Variants in HACD2 observed in about 807,000 individuals in gnomAD.
The protein encoded by HACD2 is very-long-chain (3R)-3-hydroxyacyl-CoA dehydratase 2.
A neutral mutation model predicts 31.0 loss-of-function variants in HACD2; 15 were observed. The observed-to-expected ratio is 0.48, with a 90% CI of 0.32 to 0.75. The LOEUF (loss-of-function observed/expected upper bound fraction) is 0.75. Ranked by LOEUF, HACD2 falls within the 30% of genes least tolerant of loss-of-function variation. The pLI, the probability that HACD2 is intolerant of heterozygous loss-of-function variation, is 0.03. For synonymous variants in HACD2, 115 were observed against 122.2 expected, an observed-to-expected ratio of 0.94 and a Z score of 0.39; for missense variants, 283 against 313.0, an observed-to-expected ratio of 0.90 and a Z score of 0.72.
At chr3:123,537,642 T>C (rs2056443041) in intron 3 of HACD2, among the ~76,000 whole-genome samples, 1 of 151,902 alleles carries the variant, frequency 6.6e-6, no homozygotes, top group South Asian at 2.1e-4. Flanking sequence ...TTTTTTTTGA[T>C]GAATAATGTT....
At chr3:123,507,842 A>G (rs1004504848) in intron 4 of HACD2, among the ~76,000 whole-genome samples, 2 of 152,136 alleles carry the variant, frequency 1.3e-5, no homozygotes, top group Non-Finnish European at 2.9e-5. Flanking sequence ...TTTACTAAAA[A>G]CCATTTAATT....
At chr3:123,512,166 C>G (rs2056071708) in intron 4 of HACD2, among the ~76,000 whole-genome samples, 1 of 152,162 alleles carries the variant, frequency 6.6e-6, no homozygotes, top group Non-Finnish European at 1.5e-5. Flanking sequence ...CTGTTTATTT[C>G]TGGATTTAAC....
At position 123,543,548 on chromosome 3, in the gene HACD2, T is replaced by G. The variant is rs2056519085; in HGVS notation, c.293-15074A>C. ...AGACTCACTTTCCACTGCATACCCTTTTATAGCTTTTGCATTTTATACCAT... is the reference window on the plus strand; with the variant it reads ...AGACTCACTTTCCACTGCATACCCTGTTATAGCTTTTGCATTTTATACCAT... On this transcript the variant is annotated intron_variant, in intron 3 of 6. Coordinates refer to ENST00000383657, the MANE Select transcript of HACD2 (RefSeq NM_198402.5). 1.4e-5 allele frequency: 3 copies of G among 217,748 alleles called. No individual in the cohort carries two copies. In the South Asian group the frequency reaches 1.8e-4, roughly 13 times the overall value. The allele number at this position is 217,748 out of a possible 1,614,324, so 13.5% of individuals were successfully genotyped here.
rs185313851 is a variant in HACD2 at position 123,509,178 on chromosome 3, G to A, written c.382-6497C>T. On this transcript the variant is annotated intron_variant, in intron 4 of 6. Coordinates refer to ENST00000383657, the MANE Select transcript of HACD2 (RefSeq NM_198402.5). ...ATAATTTAGGGTTTGCACCACATGT[G>A]GCTGTTGTAATATATTCATCATTGT... Among the ~76,000 whole-genome samples, 13 of 152,112 alleles carry A rather than the reference G, an allele frequency of 8.5e-5. No homozygotes were observed. The East Asian group carries it at 2.5e-3, about 30-fold the overall frequency.
At chr3:123,502,450 AC>A (rs2055914042) in intron 5 of HACD2, 109 bp downstream of exon 5, 1 of 1,150,148 alleles carries the variant, frequency 8.7e-7, no homozygotes, top group South Asian at 1.6e-5. Context: ...TTTCTACCCA[AC>A]CCGTCTCAAT....
At chr3:123,515,103 T>C (rs1020240786) in intron 4 of HACD2, among the ~76,000 whole-genome samples, 5 of 152,198 alleles carry the variant, frequency 3.3e-5, no homozygotes, top group African/African-American at 1.2e-4. Flanking sequence ...GCTTTGTATG[T>C]GTTAACTCGC....
chr3:123,529,712 G>C (rs1041799133), intron 3 of HACD2, among the ~76,000 whole-genome samples: 1 of 152,154 alleles, frequency 6.6e-6, no homozygotes, highest in Non-Finnish European at 1.5e-5. Context: ...GGGTGACAGA[G>C]TGAGGTCCTG....
chr3:123,576,073 G>A (rs2056904692), intron 2 of HACD2, among the ~76,000 whole-genome samples: 1 of 151,920 alleles, frequency 6.6e-6, no homozygotes, highest in South Asian at 2.1e-4. Context: ...ATAATGTTTT[G>A]TAATGTTTCT....
At chr3:123,528,156 T>C (rs1474606315) in intron 4 of HACD2, among the ~76,000 whole-genome samples, 1 of 152,184 alleles carries the variant, frequency 6.6e-6, no homozygotes, top group Non-Finnish European at 1.5e-5. Flanking sequence ...AGAACTCAGA[T>C]TACAGGACTT....
rs372910255 is a variant in HACD2, at chr3:123,527,806, AAT to A, written c.381+578_381+579del. ...CACAGGGCATGATAAATGCTTAGTAAATATGTAAAAGGCATTACATTTGCGGG... is the reference window on the plus strand; with the variant it reads ...CACAGGGCATGATAAATGCTTAGTAAATGTAAAAGGCATTACATTTGCGGG... On this transcript the variant is annotated intron_variant, in intron 4 of 6. Coordinates refer to ENST00000383657, the MANE Select transcript of HACD2 (RefSeq NM_198402.5). 1.5e-4 allele frequency among the ~76,000 whole-genome samples: 23 copies of A among 152,376 alleles called. No individual in the cohort carries two copies. In the South Asian group the frequency reaches 4.8e-3, roughly 32 times the overall value.
intron 4 of HACD2, among the ~76,000 whole-genome samples, chr3:123,508,263 G>A (rs1690912326): frequency 6.6e-6 from 1 of 152,166 alleles, no homozygotes; most frequent in Non-Finnish European, 1.5e-5. Flanking sequence ...TTCTTTGCCT[G>A]GCACAGTGAG....
chr3:123,553,399 T>C (rs2056640186), intron 3 of HACD2, among the ~76,000 whole-genome samples: 1 of 152,230 alleles, frequency 6.6e-6, no homozygotes, highest in African/African-American at 2.4e-5. Context: ...GTCCTTCAAA[T>C]ATCAAGGCTA....
intron 3 of HACD2, among the ~76,000 whole-genome samples, chr3:123,539,689 G>T (rs1003471217): frequency 6.6e-6 from 1 of 151,982 alleles, no homozygotes; most frequent in African/African-American, 2.4e-5. Context: ...GAGAAGGCCT[G>T]TGCACCTGTT....
intron 4 of HACD2, among the ~76,000 whole-genome samples, chr3:123,527,649 G>A (rs565076973): frequency 5.3e-5 from 8 of 152,106 alleles, no homozygotes; most frequent in Non-Finnish European, 7.4e-5. Context: ...GCTTAATAAC[G>A]AAACAAAACA....
chr3:123,509,909 A>G (rs1375825527), intron 4 of HACD2, among the ~76,000 whole-genome samples: 1 of 151,870 alleles, frequency 6.6e-6, no homozygotes, highest in Non-Finnish European at 1.5e-5. Flanking sequence ...CTATGGGGGA[A>G]AAAACAACCT....
chr3:123,506,863 G>GT (rs1448558228), intron 4 of HACD2, among the ~76,000 whole-genome samples: 1 of 152,166 alleles, frequency 6.6e-6, no homozygotes, highest in African/African-American at 2.4e-5. Context: ...CTCAGGAGGG[G>GT]TTTTTTGAGG....
intron 4 of HACD2, among the ~76,000 whole-genome samples, chr3:123,523,860 C>T (rs976584924): frequency 2.0e-5 from 3 of 152,186 alleles, no homozygotes; most frequent in Non-Finnish European, 2.9e-5. Context: ...ATTCCTTGGG[C>T]CTCTCTCTTA....
intron 3 of HACD2, among the ~76,000 whole-genome samples, chr3:123,554,533 TAAAG>T (rs2056654431): frequency 1.3e-5 from 2 of 151,230 alleles, no homozygotes; most frequent in African/African-American, 4.9e-5. Context: ...TTAAAGAAAA[TAAAG>T]AAAACACATC....
intron 4 of HACD2, among the ~76,000 whole-genome samples, chr3:123,522,662 C>T (rs1290754537): frequency 8.2e-5 from 12 of 146,246 alleles, no homozygotes; most frequent in South Asian, 2.2e-4. Context: ...AATAAGGAGA[C>T]TTTTTTTTTT....
Sources: gnomAD v4.1 joint callset for allele counts (sites outside exome capture counted in the v4.1 genomes callset) on GRCh38, gnomAD v4.1.1 for gene constraint, MANE v1.5 for transcripts, NCBI Gene and HGNC (gene_info 2026-07-23, HGNC 2026-07-21) for gene names.